PTPRD: variants seen among roughly 807,000 people sequenced by gnomAD.
PTPRD encodes receptor-type tyrosine-protein phosphatase delta.
A neutral mutation model predicts 214.5 loss-of-function variants in PTPRD; 34 were observed. The ratio of observed to expected loss-of-function variants is 0.16; its 90% confidence interval spans 0.12 to 0.21. PTPRD has a LOEUF of 0.21. Ranked by LOEUF, PTPRD falls within the 10% of genes least tolerant of loss-of-function variation. The pLI, the probability that PTPRD is intolerant of heterozygous loss-of-function variation, is 1.00. For missense variants in PTPRD, 2,545 were observed against 2,398.7 expected, an observed-to-expected ratio of 1.06 and a Z score of -1.27; for synonymous variants, 1,128 against 845.7, an observed-to-expected ratio of 1.33 and a Z score of -5.79.
At chr9:8,395,951 G>C (rs925526261) in intron 36 of PTPRD, among the ~76,000 whole-genome samples, 1 of 152,024 alleles carries the variant, frequency 6.6e-6, no homozygotes, top group African/African-American at 2.4e-5. Context: ...TTAAAATACA[G>C]TAGACCTTAG....
intron 30 of PTPRD, among the ~76,000 whole-genome samples, chr9:8,479,961 C>T (rs1323343679): frequency 1.3e-5 from 2 of 152,056 alleles, no homozygotes; most frequent in Non-Finnish European, 2.9e-5. Context: ...GGAGGCCTCC[C>T]CTGACACCCA....
At chr9:9,935,089 C>G (rs971693453) in intron 5 of PTPRD, among the ~76,000 whole-genome samples, 19 of 152,044 alleles carry the variant, frequency 1.2e-4, no homozygotes, top group Non-Finnish European at 2.5e-4. Context: ...ATAATAAGAG[C>G]TCTCTATGAC....
intron 3 of PTPRD, among the ~76,000 whole-genome samples, chr9:10,209,917 A>T (rs1248393050): frequency 2.0e-5 from 3 of 152,184 alleles, no homozygotes; most frequent in Non-Finnish European, 4.4e-5. Flanking sequence ...TGTTTTGATT[A>T]GGACAAATAA....
At chr9:9,120,150 T>G (rs1350904759) in intron 10 of PTPRD, among the ~76,000 whole-genome samples, 1 of 152,226 alleles carries the variant, frequency 6.6e-6, no homozygotes, top group Non-Finnish European at 1.5e-5. Flanking sequence ...CTACTGGAAA[T>G]TCACAGTGCA....
intron 9 of PTPRD, among the ~76,000 whole-genome samples, chr9:9,355,057 A>C (rs1471079140): frequency 2.6e-5 from 4 of 151,712 alleles, no homozygotes; most frequent in African/African-American, 9.7e-5. Flanking sequence ...AGTATGACTT[A>C]AGTTTTAGAA....
intron 5 of PTPRD, among the ~76,000 whole-genome samples, chr9:9,937,258 A>T (rs996941292): frequency 2.2e-4 from 33 of 151,574 alleles, no homozygotes; most frequent in Admixed American, 3.9e-4. Flanking sequence ...AAAATAAAAA[A>T]TAAATTACTA....
chr9:8,379,994 A>G (rs1413747547), intron 37 of PTPRD, among the ~76,000 whole-genome samples: 1 of 152,134 alleles, frequency 6.6e-6, no homozygotes, highest in Non-Finnish European at 1.5e-5. Context: ...TGATGCCCCT[A>G]AAACACTTAA....
intron 12 of PTPRD, among the ~76,000 whole-genome samples, chr9:8,641,292 A>G (rs2096570814): frequency 6.7e-6 from 1 of 148,264 alleles, no homozygotes. Flanking sequence ...AACCATCAGT[A>G]TTATAGTTAG....
intron 11 of PTPRD, among the ~76,000 whole-genome samples, chr9:8,816,304 G>T (rs1231085536): frequency 2.0e-5 from 3 of 152,200 alleles, no homozygotes; most frequent in Non-Finnish European, 4.4e-5. Context: ...ATAAAGGTCT[G>T]CGAGAGGCTC....
chr9:9,042,614 C>CTTTTTTTTTTT (rs775574124), intron 10 of PTPRD, among the ~76,000 whole-genome samples: 3 of 112,476 alleles, frequency 2.7e-5, no homozygotes, highest in African/African-American at 1.1e-4. Flanking sequence ...TCTTTTTTTT[C>CTTTTTTTTTTT]TTTTCTTTTT....
intron 9 of PTPRD, among the ~76,000 whole-genome samples, chr9:9,328,693 A>C (rs1286260383): frequency 8.5e-6 from 1 of 117,796 alleles, no homozygotes; most frequent in Admixed American, 1.3e-4. Flanking sequence ...GCTGGAGCGC[A>C]CGGCATGATC....
chr9:8,517,997 T>C lies in PTPRD; in HGVS notation c.1394A>G (p.Asn465Ser), dbSNP rs751194677. 33 of 1,614,096 alleles carry C rather than the reference T, an allele frequency of 2.0e-5. No homozygotes were observed. The highest frequency in any genetic ancestry group is 2.7e-5 in the Non-Finnish European group (32 of 1,180,040). The change falls in exon 21 of 46, where the codon AAC becomes AGC. Residue 465 changes from asparagine (N) to serine (S), a missense_variant. Physicochemically the swap from Asn to Ser is conservative, Grantham distance 46. Transcript: ENST00000381196. ...YTMDPTQHVN[N>S]WMKHNVADSQ... ...GTCAGCTACATTGTGTTTCATCCAG[T>C]TGTTGACATGTTGAGTGGGATCCAT...
chr9:9,810,145 A>AAAAAG (rs1157280584), intron 5 of PTPRD, among the ~76,000 whole-genome samples: 3 of 151,814 alleles, frequency 2.0e-5, no homozygotes, highest in Admixed American at 2.0e-4. Context: ...AAAAAAAAAA[A>AAAAAG]AAAAGCAAAT....
intron 3 of PTPRD, among the ~76,000 whole-genome samples, chr9:10,223,572 G>C (rs940119606): frequency 1.3e-5 from 2 of 151,598 alleles, no homozygotes; most frequent in Non-Finnish European, 2.9e-5. Context: ...GCTGAGGTGA[G>C]AGAATTGTTT....
intron 5 of PTPRD, among the ~76,000 whole-genome samples, chr9:9,838,655 C>A (rs1428936055): frequency 6.6e-6 from 1 of 152,112 alleles, no homozygotes; most frequent in Non-Finnish European, 1.5e-5. Flanking sequence ...ATTGTAGATT[C>A]TGGATATTAG....
rs1043378130 is a variant in PTPRD at position 10,372,955 on chromosome 9, C to A, written c.-599-31938G>T. On this transcript the variant is annotated intron_variant, in intron 2 of 45. Coordinates refer to ENST00000381196, the MANE Select transcript of PTPRD (RefSeq NM_002839.4). ...TCAAGCAATTCTCCTGCCTCAACCT[C>A]CTGAGTAGCTTGGGTTATAGTCACC... is the stretch of plus-strand genomic sequence containing the variant. 2.6e-5 allele frequency among the ~76,000 whole-genome samples: 4 copies of A among 151,290 alleles called. No homozygotes were observed. The South Asian group carries it at 8.4e-4, about 32-fold the overall frequency.
intron 3 of PTPRD, among the ~76,000 whole-genome samples, chr9:10,168,776 G>T (rs1401630018): frequency 1.3e-5 from 2 of 152,008 alleles, no homozygotes; most frequent in Non-Finnish European, 2.9e-5. Flanking sequence ...AAACAAACTA[G>T]GAATTTCAGT....
chr9:9,654,601 A>G (rs2096461784), intron 7 of PTPRD, among the ~76,000 whole-genome samples: 1 of 152,162 alleles, frequency 6.6e-6, no homozygotes, highest in Admixed American at 6.5e-5. Context: ...CTTTCATTTA[A>G]GATTGTGAAT....
intron 4 of PTPRD, among the ~76,000 whole-genome samples, chr9:9,964,390 A>G (rs2094551412): frequency 1.3e-5 from 2 of 152,192 alleles, no homozygotes; most frequent in Admixed American, 1.3e-4. Flanking sequence ...TTTCTTAGAA[A>G]AGTTTTGAGA....
Sources: allele counts gnomAD v4.1 joint callset (sites outside exome capture counted in the v4.1 genomes callset), GRCh38; gene constraint gnomAD v4.1.1; transcripts MANE v1.5; gene names NCBI Gene and HGNC (gene_info 2026-07-23, HGNC 2026-07-21).